OTOG: variants seen among roughly 807,000 people sequenced by gnomAD.
OTOG encodes the protein otogelin.
In OTOG, 296 loss-of-function variants were observed where a neutral mutation model predicts 313.8. The ratio of observed to expected loss-of-function variants is 0.94; its 90% CI spans 0.86 to 1.04. The LOEUF (loss-of-function observed/expected upper bound fraction) is 1.04. OTOG is among the 50% of genes least tolerant of loss of function. The probability of loss-of-function intolerance (pLI) is 0.00; values close to 1 mark genes in which losing one functional copy is unlikely to be tolerated. For missense variants in OTOG, 3,948 were observed against 3,840.1 expected, an observed-to-expected ratio of 1.03 and a Z score of -0.74; for synonymous variants, 1,533 against 1,554.9, an observed-to-expected ratio of 0.99 and a Z score of 0.33.
chr11:17,587,763 C>A (rs1409237605), intron 24 of OTOG, among the ~76,000 whole-genome samples: 2 of 152,226 alleles, frequency 1.3e-5, no homozygotes, highest in Non-Finnish European at 2.9e-5. Context: ...ACACAGACCT[C>A]TGCACAGGCT....
chr11:17,611,476 C>T, intron 36 of OTOG, 53 bp downstream of exon 36: 1 of 1,420,850 alleles, frequency 7.0e-7, no homozygotes. Flanking sequence ...TCCCTTCATC[C>T]CTTCCTCTTC....
intron 25 of OTOG, among the ~76,000 whole-genome samples, chr11:17,592,654 C>T (rs1019457848): frequency 3.9e-5 from 6 of 152,156 alleles, no homozygotes; most frequent in African/African-American, 1.4e-4. Context: ...TTGGTACACA[C>T]TTTTTTCTTT....
At chr11:17,613,769 G>T (rs1853657446) in intron 39 of OTOG, 68 bp downstream of exon 39, 6 of 1,356,984 alleles carry the variant, frequency 4.4e-6, no homozygotes, top group South Asian at 3.7e-5. Context: ...GCATCCAGGG[G>T]TGGAGGGGCT....
At chr11:17,606,809 C>T (rs894084384) in intron 33 of OTOG, among the ~76,000 whole-genome samples, 1 of 152,240 alleles carries the variant, frequency 6.6e-6, no homozygotes, top group Non-Finnish European at 1.5e-5. Context: ...AGCCAGCCTC[C>T]TTATTTCATC....
chr11:17,635,491 C>A, intron 46 of OTOG, 119 bp from the exon 47 acceptor site: 1 of 750,378 alleles, frequency 1.3e-6, no homozygotes, highest in Non-Finnish European at 2.3e-6. Flanking sequence ...TGCGATGCTG[C>A]CATTAGTTAG....
chr11:17,635,424 G>A (rs1854241072), intron 46 of OTOG, among the ~76,000 whole-genome samples, 186 bp from the exon 47 acceptor site: 1 of 152,132 alleles, frequency 6.6e-6, no homozygotes, highest in African/African-American at 2.4e-5. Context: ...TAAGCCTTTG[G>A]GTGGACATGA....
chr11:17,569,421 G>C, intron 16 of OTOG, 133 bp downstream of exon 16: 1 of 1,281,592 alleles, frequency 7.8e-7, no homozygotes, highest in Non-Finnish European at 1.1e-6. Flanking sequence ...TCAGGATAGG[G>C]GACACTTTGG....
chr11:17,553,586 G>T, intron 6 of OTOG, 67 bp downstream of exon 6: 1 of 1,305,388 alleles, frequency 7.7e-7, no homozygotes. Context: ...CACTGGCCTG[G>T]GCTCTACTTG....
chr11:17,630,422 C>A (rs1854094635), intron 40 of OTOG, among the ~76,000 whole-genome samples: 1 of 152,204 alleles, frequency 6.6e-6, no homozygotes, highest in Non-Finnish European at 1.5e-5. Context: ...AGCCAAGACC[C>A]AAAGTGTGAC....
chr11:17,595,591 C>G (rs932941999), intron 28 of OTOG, among the ~76,000 whole-genome samples: 3 of 152,186 alleles, frequency 2.0e-5, no homozygotes, highest in African/African-American at 7.2e-5. Context: ...GAACTGCATC[C>G]TCATCTGCTC....
intron 25 of OTOG, among the ~76,000 whole-genome samples, 173 bp downstream of exon 25, chr11:17,591,761 C>A (rs547506402): frequency 1.3e-5 from 2 of 152,288 alleles, no homozygotes; most frequent in Non-Finnish European, 2.9e-5. Context: ...CTGGATGGAG[C>A]TCACCAGTCC....
rs1108626 is a variant in OTOG, at chr11:17,592,992, C to T, written c.3007-201C>T. ...ATTCATCAGATATTTTGGGGAGTCA[C>T]TACATGTTAAACACCGCACTAGGCA... On this transcript the variant is annotated intron_variant, in intron 25 of 55. Transcript: ENST00000399397. 0.37 allele frequency among the ~76,000 whole-genome samples: 55,740 copies of T among 152,000 alleles called. 10,810 individuals carry two copies. Among genetic ancestry groups the T allele is most frequent in the African/African-American group, 0.49 (20,146 of 41,450 alleles).
Position 17,594,029 on chromosome 11 carries a change from T to C in OTOG, c.3289-18T>C. 1 of 1,550,524 alleles carries C rather than the reference T, an allele frequency of 6.4e-7. No individual in the cohort carries two copies. The highest frequency in any genetic ancestry group is 8.7e-7 in the Non-Finnish European group (1 of 1,146,960). ...CTGGCAGGCCTGCAACTGACCATGG[T>C]GTCCTCTCTCCTTTCAGGGCCAGCT... On this transcript the variant is annotated intron_variant, in intron 27 of 55. Transcript: ENST00000399397.
At chr11:17,561,379 TC>T (rs1852178947) in intron 14 of OTOG, among the ~76,000 whole-genome samples, 1 of 152,200 alleles carries the variant, frequency 6.6e-6, no homozygotes, top group South Asian at 2.1e-4. Context: ...CTAAAGACCT[TC>T]CCGAGCTAGG....
intron 39 of OTOG, among the ~76,000 whole-genome samples, chr11:17,618,244 C>T (rs928007937): frequency 2.6e-5 from 4 of 152,136 alleles, no homozygotes; most frequent in Admixed American, 6.6e-5. Context: ...TTTCCCTGTA[C>T]GTATTGATTT....
intron 13 of OTOG, 34 bp downstream of exon 13, chr11:17,560,851 G>C (rs1390953706): frequency 6.6e-7 from 1 of 1,514,726 alleles, no homozygotes; most frequent in Non-Finnish European, 9.0e-7. Flanking sequence ...AGGGTGTGGG[G>C]CATGGCCGCT....
chr11:17,609,898 C>T lies in OTOG; in HGVS notation c.4598C>T (p.Pro1533Leu). 6.6e-7 allele frequency: 1 copy of T among 1,517,460 alleles called. No individual in the cohort carries two copies. The highest frequency in any genetic ancestry group is 8.9e-7 in the Non-Finnish European group (1 of 1,128,606). 94.0% of individuals were successfully genotyped at this position (1,517,460 alleles called of 1,614,324 possible). A position where few individuals can be genotyped will look rare whatever the true frequency, so the allele number is the denominator to read the frequency against. ...PGPTQTTLQQ[P>L]LELTASQLPA... ...CCCACCCAGACCACCCTGCAGCAGCCACTGGAGCTCACTGCATCTCAACTC... is the reference window on the plus strand; with the variant it reads ...CCCACCCAGACCACCCTGCAGCAGCTACTGGAGCTCACTGCATCTCAACTC... The change falls in exon 36 of 56, where the codon CCA becomes CTA. Residue 1533 changes from proline (P) to leucine (L), a missense_variant. Coordinates refer to ENST00000399397, the MANE Select transcript of OTOG (RefSeq NM_001292063.2).
chr11:17,562,510 G>A (rs973557704), intron 15 of OTOG, among the ~76,000 whole-genome samples: 1 of 151,938 alleles, frequency 6.6e-6, no homozygotes, highest in Non-Finnish European at 1.5e-5. Flanking sequence ...ATTTGAACTG[G>A]CATTCAGGCA....
intron 16 of OTOG, 28 bp downstream of exon 16, chr11:17,569,316 A>G: frequency 6.5e-7 from 1 of 1,549,832 alleles, no homozygotes; most frequent in Non-Finnish European, 8.7e-7. Flanking sequence ...CAACAGACCT[A>G]GTTGGGAACT....
Sources: gnomAD v4.1 joint callset for allele counts (sites outside exome capture counted in the v4.1 genomes callset) on GRCh38, gnomAD v4.1.1 for gene constraint, MANE v1.5 for transcripts, NCBI Gene and HGNC (gene_info 2026-07-23, HGNC 2026-07-21) for gene names.